GRID2: variants seen among roughly 807,000 people sequenced by gnomAD.
GRID2 encodes the protein glutamate ionotropic receptor delta type subunit 2, also known as glutamate receptor ionotropic, delta-2.
Under a neutral mutation model 114.8 loss-of-function variants are expected in GRID2, and 33 were observed. That is an observed-to-expected ratio of 0.29 (90% CI 0.22 to 0.38). GRID2 has a LOEUF of 0.38. Ranked by LOEUF, GRID2 falls within the 10% of genes least tolerant of loss-of-function variation. GRID2 has a pLI of 1.00. For synonymous variants in GRID2, 505 were observed against 449.9 expected (o/e 1.12, Z -1.55); for missense variants, 1,184 against 1,257.7 (o/e 0.94, Z 0.89).
chr4:93,537,715 A>G (rs1307056287), intron 13 of GRID2, among the ~76,000 whole-genome samples: 1 of 151,786 alleles, frequency 6.6e-6, no homozygotes, highest in Non-Finnish European at 1.5e-5. Context: ...TTGTTTCTCC[A>G]TTAGCCTTGT....
chr4:93,547,079 C>G (rs955490434), intron 13 of GRID2, among the ~76,000 whole-genome samples: 2 of 152,116 alleles, frequency 1.3e-5, no homozygotes, highest in Admixed American at 6.5e-5. Flanking sequence ...CCAAGGCAAC[C>G]CTGTTCTCAA....
chr4:93,230,454 A>T (rs1313272897), intron 7 of GRID2, among the ~76,000 whole-genome samples: 11 of 152,310 alleles, frequency 7.2e-5, no homozygotes, highest in African/African-American at 2.4e-4. Context: ...GAGGATTTTT[A>T]AAAATTTTGT....
At chr4:93,542,716 C>T (rs2149529609) in intron 13 of GRID2, among the ~76,000 whole-genome samples, 2 of 152,234 alleles carry the variant, frequency 1.3e-5, no homozygotes, top group East Asian at 3.9e-4. Flanking sequence ...GCTCAGAAGG[C>T]AGGAGGAGAC....
chr4:93,665,205 G>C (rs1387019734), intron 14 of GRID2, among the ~76,000 whole-genome samples: 2 of 152,088 alleles, frequency 1.3e-5, no homozygotes, highest in Admixed American at 6.5e-5. Flanking sequence ...TGGCAAGAAA[G>C]CTAAATCTTC....
At chr4:92,672,067 T>A (rs1733101330) in intron 2 of GRID2, among the ~76,000 whole-genome samples, 1 of 152,102 alleles carries the variant, frequency 6.6e-6, no homozygotes, top group South Asian at 2.1e-4. Context: ...TAATATTATA[T>A]CATAAAAGAT....
At chr4:93,243,989 T>G (rs1747842958) in intron 8 of GRID2, among the ~76,000 whole-genome samples, 1 of 151,928 alleles carries the variant, frequency 6.6e-6, no homozygotes, top group South Asian at 2.1e-4. Flanking sequence ...AAAAAAAAAA[T>G]TAATTTGAGC....
At chr4:93,503,159 T>G (rs1211168929) in intron 12 of GRID2, among the ~76,000 whole-genome samples, 2 of 152,050 alleles carry the variant, frequency 1.3e-5, no homozygotes, top group Non-Finnish European at 2.9e-5. Context: ...AGGACGTAGT[T>G]TGAGTATGGA....
At chr4:93,746,032 A>G (rs1731813112) in intron 14 of GRID2, among the ~76,000 whole-genome samples, 7 of 152,148 alleles carry the variant, frequency 4.6e-5, no homozygotes. Context: ...TAGTGTAACC[A>G]TGAGCAACAG....
intron 2 of GRID2, among the ~76,000 whole-genome samples, chr4:93,041,948 G>C (rs1470237992): frequency 6.6e-6 from 1 of 151,994 alleles, no homozygotes; most frequent in Non-Finnish European, 1.5e-5. Context: ...TGTCACCCAG[G>C]CTGGAGTGCA....
At chr4:92,438,578 CTGTGTGTGTGTGTG>C (rs34304139) in intron 1 of GRID2, among the ~76,000 whole-genome samples, 1 of 146,914 alleles carries the variant, frequency 6.8e-6, no homozygotes, top group African/African-American at 2.5e-5. Context: ...AGTTTACCTT[CTGTGTGTGTGTGTG>C]TGTGTGTGTG....
At chr4:93,086,934 C>A (rs749673992) in intron 3 of GRID2, among the ~76,000 whole-genome samples, 14 of 152,004 alleles carry the variant, frequency 9.2e-5, no homozygotes, top group Non-Finnish European at 1.9e-4. Context: ...GACCTCTGAT[C>A]AAACATATAT....
chr4:93,316,291 C>CAAAAGAAAGAAAGAAA (rs1756594354), intron 8 of GRID2, among the ~76,000 whole-genome samples: 1 of 77,122 alleles, frequency 1.3e-5, no homozygotes, highest in Non-Finnish European at 2.5e-5. Flanking sequence ...AACGAAAGAA[C>CAAAAGAAAGAAAGAAA]GAAAGAAAGA....
At chr4:92,315,993 C>CAAAAAAAAAAAAAAAAAAAAAAAAAA (rs778361565) in intron 1 of GRID2, among the ~76,000 whole-genome samples, 32 of 61,878 alleles carry the variant, frequency 5.2e-4, no homozygotes, top group South Asian at 2.0e-3. Context: ...AAACAAAAAG[C>CAAAAAAAAAAAAAAAAAAAAAAAAAA]AAAAAAAAAA....
chr4:92,323,993 G>A (rs368562590), intron 1 of GRID2, among the ~76,000 whole-genome samples: 26 of 151,868 alleles, frequency 1.7e-4, no homozygotes, highest in Non-Finnish European at 3.4e-4. Flanking sequence ...GAAATAGCCC[G>A]ATTATGTAGA....
intron 6 of GRID2, among the ~76,000 whole-genome samples, chr4:93,220,253 T>TA (rs1481294931): frequency 1.7e-4 from 26 of 151,766 alleles, no homozygotes; most frequent in African/African-American, 5.3e-4. Flanking sequence ...TATATATATA[T>TA]TTTTTTAGAT....
chr4:92,947,259 C>A (rs141155455), intron 2 of GRID2, among the ~76,000 whole-genome samples: 35 of 152,046 alleles, frequency 2.3e-4, no homozygotes, highest in African/African-American at 7.9e-4. Flanking sequence ...GAATCTCATC[C>A]TCTTTGTCAG....
At chr4:93,452,737 A>G (rs996272778) in intron 10 of GRID2, among the ~76,000 whole-genome samples, 1 of 152,104 alleles carries the variant, frequency 6.6e-6, no homozygotes, top group African/African-American at 2.4e-5. Flanking sequence ...AGATGTGACA[A>G]GTCGTTGTAA....
intron 2 of GRID2, among the ~76,000 whole-genome samples, chr4:92,865,585 T>G (rs1450527338): frequency 6.6e-6 from 1 of 152,176 alleles, no homozygotes; most frequent in East Asian, 1.9e-4. Flanking sequence ...TCATATTCCC[T>G]TCAGGCTAAA....
chr4:93,747,358 T>G (rs1187741847), intron 14 of GRID2, among the ~76,000 whole-genome samples: 1 of 152,132 alleles, frequency 6.6e-6, no homozygotes, highest in South Asian at 2.1e-4. Context: ...TACAGATAAC[T>G]CTCTTGTGTA....
Sources: gnomAD v4.1 joint callset for allele counts (sites outside exome capture counted in the v4.1 genomes callset) on GRCh38, gnomAD v4.1.1 for gene constraint, MANE v1.5 for transcripts, NCBI Gene and HGNC (gene_info 2026-07-23, HGNC 2026-07-21) for gene names.